LINGO2: variants seen among roughly 807,000 people sequenced by gnomAD.
LINGO2 encodes the protein leucine rich repeat and Ig domain containing 2.
A neutral mutation model predicts 30.6 loss-of-function variants in LINGO2; 14 were observed. The observed-to-expected ratio is 0.46, with a 90% confidence interval of 0.30 to 0.72. The LOEUF (loss-of-function observed/expected upper bound fraction) is 0.72. Ranked by LOEUF, LINGO2 falls within the 30% of genes least tolerant of loss-of-function variation. LINGO2 has a pLI of 0.07. For missense variants in LINGO2, 729 were observed against 751.7 expected, an observed-to-expected ratio of 0.97 and a Z score of 0.35; for synonymous variants, 317 against 288.5, an observed-to-expected ratio of 1.10 and a Z score of -1.00.
intron 4 of LINGO2, among the ~76,000 whole-genome samples, chr9:28,254,722 CAA>C (rs1822322930): frequency 6.6e-6 from 1 of 152,172 alleles, no homozygotes; most frequent in African/African-American, 2.4e-5. Flanking sequence ...GGCTCTCACT[CAA>C]ACAACCATTT....
intron 4 of LINGO2, among the ~76,000 whole-genome samples, chr9:28,040,664 C>G (rs900720122): frequency 6.6e-6 from 1 of 152,076 alleles, no homozygotes; most frequent in Non-Finnish European, 1.5e-5. Flanking sequence ...TACCTAATAG[C>G]TGCTTTGCCT....
chr9:28,789,730 T>C, the LINGO2 span, among the ~76,000 whole-genome samples: 1 of 152,190 alleles, frequency 6.6e-6, no homozygotes, highest in Non-Finnish European at 1.5e-5. Context: ...CTAAAGTTCC[T>C]TAGAATCAAG....
chr9:28,117,124 C>T (rs1826931595), intron 4 of LINGO2, among the ~76,000 whole-genome samples: 1 of 146,662 alleles, frequency 6.8e-6, no homozygotes, highest in South Asian at 2.2e-4. Context: ...AGTTTTCCTT[C>T]TAACAGACAG....
intron 5 of LINGO2, 57 bp from the exon 7 acceptor site, chr9:27,950,763 G>A (rs1819267064): frequency 5.1e-6 from 5 of 983,192 alleles, no homozygotes; most frequent in Non-Finnish European, 5.7e-6. Flanking sequence ...ATATAAATAG[G>A]TGAAGGGGCA....
intron 4 of LINGO2, among the ~76,000 whole-genome samples, chr9:28,060,572 G>C (rs1404592567): frequency 1.3e-5 from 2 of 152,142 alleles, no homozygotes; most frequent in Admixed American, 6.6e-5. Context: ...TAACCTAGCA[G>C]TCTGACTTTA....
intron 4 of LINGO2, among the ~76,000 whole-genome samples, chr9:28,255,619 TCA>T (rs1239826304): frequency 2.6e-5 from 4 of 152,080 alleles, no homozygotes; most frequent in Middle Eastern, 3.2e-3. Context: ...AAGATATAAC[TCA>T]CACATCAGGT....
the LINGO2 span, among the ~76,000 whole-genome samples, chr9:28,930,456 GATTC>G: frequency 6.6e-6 from 1 of 152,162 alleles, no homozygotes; most frequent in Non-Finnish European, 1.5e-5. The surrounding 1 kb of genome is among the most constrained non-coding windows in gnomAD (Gnocchi z 4.2). Context: ...TCGCATTTAA[GATTC>G]ATTATTTCCA....
the LINGO2 span, among the ~76,000 whole-genome samples, chr9:28,681,045 G>A: frequency 2.5e-4 from 38 of 152,098 alleles, no homozygotes; most frequent in African/African-American, 8.7e-4. Flanking sequence ...ACTTTTCCAT[G>A]TCTTCTTCAA....
intron 4 of LINGO2, among the ~76,000 whole-genome samples, chr9:28,027,925 A>G (rs1823462180): frequency 1.3e-5 from 2 of 152,152 alleles, no homozygotes; most frequent in African/African-American, 4.8e-5. Context: ...CCCCAAAAGT[A>G]TATAGGAGTG....
the LINGO2 span, among the ~76,000 whole-genome samples, chr9:28,847,914 C>G: frequency 0.5 from 56,235 of 112,856 alleles, 15,227 homozygotes; most frequent in Middle Eastern, 0.61. Context: ...TATATACACA[C>G]ATATGTGTGT....
chr9:29,182,987 A>G, the LINGO2 span, among the ~76,000 whole-genome samples: 1 of 152,242 alleles, frequency 6.6e-6, no homozygotes, highest in Non-Finnish European at 1.5e-5. Flanking sequence ...TAAGAAATCC[A>G]TGACAGAAAT....
chr9:28,942,437 C>G, the LINGO2 span, among the ~76,000 whole-genome samples: 3 of 152,068 alleles, frequency 2.0e-5, no homozygotes, highest in African/African-American at 4.8e-5. Context: ...CACCAAAAAC[C>G]AAATAACTGA....
intron 3 of LINGO2, among the ~76,000 whole-genome samples, chr9:28,327,668 T>A (rs2134329123): frequency 6.6e-6 from 1 of 152,302 alleles, no homozygotes; most frequent in East Asian, 1.9e-4. Flanking sequence ...TTGTCATCTT[T>A]GTGCTAACAT....
At chr9:28,536,651 T>A (rs374179032) in intron 1 of LINGO2, among the ~76,000 whole-genome samples, 3 of 152,064 alleles carry the variant, frequency 2.0e-5, no homozygotes, top group Non-Finnish European at 2.9e-5. Flanking sequence ...CTGAGAAAAA[T>A]TGTGATAAAT....
At chr9:28,984,424 T>C in the LINGO2 span, among the ~76,000 whole-genome samples, 146 of 151,556 alleles carry the variant, frequency 9.6e-4, no homozygotes, top group Non-Finnish European at 1.6e-3. Flanking sequence ...ATTTTATCAC[T>C]TTTTTTTTCT....
the LINGO2 span, among the ~76,000 whole-genome samples, chr9:28,680,008 T>C: frequency 6.6e-6 from 1 of 152,124 alleles, no homozygotes; most frequent in African/African-American, 2.4e-5. Flanking sequence ...TATTGGATTA[T>C]ATCTGGAATT....
chr9:28,465,886 A>C (rs1376485634), intron 2 of LINGO2, among the ~76,000 whole-genome samples: 2 of 152,188 alleles, frequency 1.3e-5, no homozygotes, highest in East Asian at 3.9e-4. Context: ...TCATCAGAGG[A>C]ATACAAATCA....
chr9:28,093,934 A>C (rs551391589), intron 4 of LINGO2, among the ~76,000 whole-genome samples: 1 of 152,188 alleles, frequency 6.6e-6, no homozygotes, highest in Admixed American at 6.6e-5. Flanking sequence ...GTGAAGGTAC[A>C]TGCTTGAGGA....
chr9:29,033,952 C>T, the LINGO2 span, among the ~76,000 whole-genome samples: 22,659 of 151,664 alleles, frequency 0.15, 2,073 homozygotes, highest in South Asian at 0.21. Flanking sequence ...CATGGTGGTG[C>T]GCACCTGTAA....
Sources: allele counts gnomAD v4.1 joint callset (sites outside exome capture counted in the v4.1 genomes callset), GRCh38; gene constraint gnomAD v4.1.1; non-coding constraint Gnocchi (gnomAD v3.1); transcripts MANE v1.5; gene names NCBI Gene and HGNC (gene_info 2026-07-23, HGNC 2026-07-21).